Variants in CRYBG3 observed in about 807,000 individuals in gnomAD.
CRYBG3 encodes very large A-kinase anchor protein.
A neutral mutation model predicts 244.2 loss-of-function variants in CRYBG3; 127 were observed. The ratio of observed to expected loss-of-function variants is 0.52; its 90% confidence interval spans 0.45 to 0.60. The LOEUF is 0.60. Ranked by LOEUF, CRYBG3 falls within the 20% of genes least tolerant of loss-of-function variation. The pLI, the probability that CRYBG3 is intolerant of heterozygous loss-of-function variation, is 0.00. For missense variants in CRYBG3, 3,325 were observed against 3,442.5 expected (o/e 0.97, Z 0.85); for synonymous variants, 1,132 against 1,195.8 (o/e 0.95, Z 1.10).
rs1428643052 is a variant in CRYBG3, at chr3:97,872,479, C to G, written c.1285C>G (p.Pro429Ala). The change falls in exon 4 of 22, where the codon CCT (proline) becomes GCT (alanine). Residue 429 changes from proline (P) to alanine (A), a missense_variant. Transcript: ENST00000389622. ...TLVQREELVE[P>A]QGPAISDFSC... ...GGTGCAAAGAGAGGAGCTTGTTGAG[C>G]CTCAGGGCCCTGCTATTTCTGATTT... The G allele has an allele frequency of 7.8e-6, 12 of 1,535,850 alleles. No individual in the cohort carries two copies. The highest frequency in any genetic ancestry group is 1.7e-4 in the Middle Eastern group (1 of 6,012).
At chr3:97,942,770 G>T in intron 21 of CRYBG3, 1 of 228,084 alleles carries the variant, frequency 4.4e-6, no homozygotes, top group South Asian at 1.2e-4. Flanking sequence ...TTTTTGCCAG[G>T]AATTGCCATG....
intron 18 of CRYBG3, among the ~76,000 whole-genome samples, chr3:97,935,891 A>G (rs1038263341): frequency 6.6e-6 from 1 of 152,072 alleles, no homozygotes; most frequent in African/African-American, 2.4e-5. Context: ...TGCTTTATCA[A>G]AATAAAGCAA....
At chr3:97,892,725 C>T in intron 10 of CRYBG3, 135 bp from the exon 11 acceptor site, 1 of 512,742 alleles carries the variant, frequency 2.0e-6, no homozygotes, top group Non-Finnish European at 3.3e-6. Flanking sequence ...ACACCTTTTC[C>T]ATGAACTTTT....
chr3:97,912,145 T>A (rs753645129), intron 15 of CRYBG3, 22 bp from the exon 16 acceptor site: 2 of 1,319,248 alleles, frequency 1.5e-6, no homozygotes, highest in East Asian at 2.4e-5. Context: ...TCTATTTAAC[T>A]GTTGTGTTGT....
At chr3:97,927,763 C>T (rs1186644731) in intron 17 of CRYBG3, among the ~76,000 whole-genome samples, 3 of 152,044 alleles carry the variant, frequency 2.0e-5, no homozygotes, top group Non-Finnish European at 4.4e-5. Context: ...ACAGACACTT[C>T]TCAAAAGAAG....
intron 15 of CRYBG3, among the ~76,000 whole-genome samples, chr3:97,905,302 C>A (rs539407472): frequency 2.0e-3 from 299 of 151,828 alleles, no homozygotes; most frequent in African/African-American, 7.1e-3. Flanking sequence ...AGTTCTAGAT[C>A]CCTGAGGAAT....
chr3:97,863,386 A>G (rs369166746), intron 2 of CRYBG3, among the ~76,000 whole-genome samples: 1 of 152,288 alleles, frequency 6.6e-6, no homozygotes, highest in African/African-American at 2.4e-5. Flanking sequence ...GTATGCATTA[A>G]TGTGAGTTTG....
At chr3:97,897,692 T>TA (rs2039655241) in intron 12 of CRYBG3, among the ~76,000 whole-genome samples, 1 of 152,166 alleles carries the variant, frequency 6.6e-6, no homozygotes, top group Non-Finnish European at 1.5e-5. Context: ...TGGACATACT[T>TA]ACATTGTTTA....
rs2040283874 is a variant in CRYBG3 at position 97,943,591 on chromosome 3, G to GTTTA, written c.*281_*284dup. On this transcript the variant is annotated 3_prime_UTR_variant, in exon 22 of 22. Coordinates refer to ENST00000389622, the MANE Select transcript of CRYBG3 (RefSeq NM_153605.4). ...CTGTGGTGAGCAAGTTTCCTGAAGT[G>GTTTA]TTTATTTTCTCTCATATCCACCAAA... 1 of 363,838 alleles carries GTTTA rather than the reference G, an allele frequency of 2.7e-6. No homozygotes were observed. Among genetic ancestry groups the GTTTA allele is most frequent in the African/African-American group, 2.2e-5 (1 of 45,632 alleles). 22.5% of individuals were successfully genotyped at this position (363,838 alleles called of 1,614,324 possible).
At chr3:97,928,880 A>G (rs920046807) in intron 17 of CRYBG3, among the ~76,000 whole-genome samples, 6 of 152,018 alleles carry the variant, frequency 3.9e-5, no homozygotes, top group Non-Finnish European at 8.8e-5. Context: ...TATTGCACAT[A>G]TATATCTATG....
At chr3:97,901,158 C>T (rs542816438) in intron 15 of CRYBG3, among the ~76,000 whole-genome samples, 3 of 152,106 alleles carry the variant, frequency 2.0e-5, no homozygotes, top group African/African-American at 2.4e-5. Flanking sequence ...TAGTATGGAC[C>T]GCACTTGACA....
rs147518191 is a variant in CRYBG3 at position 97,920,388 on chromosome 3, G to T, written c.8241+4652G>T. 5.9e-5 allele frequency among the ~76,000 whole-genome samples: 9 copies of T among 152,188 alleles called. 1 individual carries two copies. The highest frequency in any genetic ancestry group is 2.2e-4 in the African/African-American group (9 of 41,526). ...TGTAGAAGATTTGCAGATATCTAGA[G>T]TAAGCAGTACTCAGTTATTCCCTGA... On this transcript the variant is annotated intron_variant, in intron 17 of 21. Coordinates refer to ENST00000389622, the MANE Select transcript of CRYBG3 (RefSeq NM_153605.4).
intron 17 of CRYBG3, among the ~76,000 whole-genome samples, chr3:97,930,198 C>T (rs939010006): frequency 6.6e-6 from 1 of 152,076 alleles, no homozygotes; most frequent in Non-Finnish European, 1.5e-5. Flanking sequence ...GCCAGCTCTT[C>T]TCTGGGGAGA....
chr3:97,895,938 G>C, intron 11 of CRYBG3, 21 bp from the exon 12 acceptor site: 4 of 1,606,170 alleles, frequency 2.5e-6, no homozygotes, highest in Non-Finnish European at 3.4e-6. Flanking sequence ...TGGGTCATTT[G>C]GGTGTCCCCT....
At chr3:97,928,950 T>A (rs751657202) in intron 17 of CRYBG3, among the ~76,000 whole-genome samples, 15 of 152,206 alleles carry the variant, frequency 9.9e-5, no homozygotes, top group Admixed American at 2.6e-4. Context: ...TATTAAGTGC[T>A]ATATATGTTA....
chr3:97,824,706 G>T (rs1307893009), intron 1 of CRYBG3, among the ~76,000 whole-genome samples: 1 of 152,122 alleles, frequency 6.6e-6, no homozygotes, highest in Non-Finnish European at 1.5e-5. Flanking sequence ...CCCAACTTAG[G>T]CGTAGGCACT....
chr3:97,935,781 A>G (rs1369726413), intron 18 of CRYBG3, among the ~76,000 whole-genome samples: 2 of 151,964 alleles, frequency 1.3e-5, no homozygotes, highest in South Asian at 2.1e-4. Flanking sequence ...GGTCCATCTG[A>G]TAAGCAGACT....
At position 97,943,310 on chromosome 3, in the gene CRYBG3, T is replaced by C. The variant is rs2040273740; in HGVS notation, c.8909T>C (p.Leu2970Ser). Residue 2970 changes from leucine to serine, a missense_variant, in exon 22 of 22, where the codon TTG becomes TCG. Physicochemically the swap from Leu to Ser is moderately radical, Grantham distance 145. This residue lies in a region of CRYBG3 where 714 missense variants were observed against 803.6 expected (regional missense o/e 0.89). Coordinates refer to ENST00000389622, the MANE Select transcript of CRYBG3 (RefSeq NM_153605.4). ...ACACAGAAATGGGACATTGAAATATTGTGAGAGAATCAACATCCCTAGAAA... is the reference window on the plus strand; with the variant it reads ...ACACAGAAATGGGACATTGAAATATCGTGAGAGAATCAACATCCCTAGAAA... ...EETQKWDIEI[L>S] The C allele has an allele frequency of 1.0e-5, 16 of 1,540,802 alleles. No individual in the cohort carries two copies. Among genetic ancestry groups the C allele is most frequent in the Non-Finnish European group, 1.3e-5 (15 of 1,115,490 alleles).
intron 11 of CRYBG3, among the ~76,000 whole-genome samples, chr3:97,895,143 C>T (rs1419059568): frequency 6.6e-6 from 1 of 152,154 alleles, no homozygotes; most frequent in Admixed American, 6.6e-5. Flanking sequence ...GGAATCTGCA[C>T]TATTGGAGGG....
Sources: allele counts gnomAD v4.1 joint callset (sites outside exome capture counted in the v4.1 genomes callset), GRCh38; gene constraint gnomAD v4.1.1; regional missense constraint gnomAD v4.1.1; transcripts MANE v1.5; gene names NCBI Gene and HGNC (gene_info 2026-07-23, HGNC 2026-07-21).